Variants in BICRA observed in about 807,000 individuals in gnomAD.
BICRA encodes the protein BRD4 interacting chromatin remodeling complex associated protein.
BICRA carries 31 observed loss-of-function variants against 96.9 expected under a neutral mutation model. The ratio of observed to expected loss-of-function variants is 0.32; its 90% confidence interval spans 0.24 to 0.43. The LOEUF (loss-of-function observed/expected upper bound fraction) is 0.43. Among genes scored for constraint, BICRA ranks in the 20% least tolerant of loss-of-function variants. The probability of loss-of-function intolerance (pLI) is 1.00; values close to 1 mark genes in which losing one functional copy is unlikely to be tolerated. For synonymous variants in BICRA, 1,350 were observed against 1,071.8 expected, an observed-to-expected ratio of 1.26 and a Z score of -5.07; for missense variants, 2,283 against 2,190.3, an observed-to-expected ratio of 1.04 and a Z score of -0.84.
chr19:47,685,741 C>CTGTGTGTGTGTGTGTGTGTGTGTG (rs3074109), intron 7 of BICRA, among the ~76,000 whole-genome samples: 1 of 115,496 alleles, frequency 8.7e-6, no homozygotes, highest in Non-Finnish European at 1.8e-5. Context: ...TTGGCAGCCT[C>CTGTGTGTGTGTGTGTGTGTGTGTG]TGTGTGTGTG....
chr19:47,635,949 C>G (rs749500592), intron 1 of BICRA, among the ~76,000 whole-genome samples: 64 of 152,176 alleles, frequency 4.2e-4, no homozygotes, highest in Admixed American at 7.9e-4. Context: ...ACTTTTTGAT[C>G]ACCAGCATGA....
intron 7 of BICRA, 32 bp from the exon 8 acceptor site, chr19:47,694,083 G>A (rs1568576158): frequency 9.1e-6 from 10 of 1,095,330 alleles, no homozygotes; most frequent in South Asian, 6.6e-5. Flanking sequence ...TCTGACCCCC[G>A]CCCCTCCCCT....
At chr19:47,655,166 C>CT (rs1972595926) in intron 1 of BICRA, among the ~76,000 whole-genome samples, 1 of 152,094 alleles carries the variant, frequency 6.6e-6, no homozygotes, top group Non-Finnish European at 1.5e-5. Flanking sequence ...AACAAGTGTC[C>CT]TTTTTGTGGT....
In BICRA at chr19:47,698,366, G is replaced by C. The variant is rs1262328073; in HGVS notation, c.3249-268G>C. On this transcript the variant is annotated intron_variant, in intron 11 of 14. Transcript: ENST00000594866. The surrounding 1 kb of genome is among the most constrained non-coding windows in gnomAD (Gnocchi z 4.8). ...CCGCTCTGCTCTTCCTCCCTTACGT[G>C]CTTTGGAGAGGAGTGACTTCACTTC... Among the ~76,000 whole-genome samples the C allele has an allele frequency of 1.3e-5, 2 of 152,158 alleles. No homozygotes were observed. The highest frequency in any genetic ancestry group is 2.9e-5 in the Non-Finnish European group (2 of 68,020).
chr19:47,682,152 G>A lies in BICRA; in HGVS notation c.2283G>A (p.Gln761=). Residue 761 remains glutamine, a splice_region_variant and synonymous_variant, in exon 7 of 15, where the codon CAG becomes CAA. Coordinates refer to ENST00000594866, the MANE Select transcript of BICRA (RefSeq NM_001394372.1). ...DSQASPAPAP[Q]IPAAAPLKGP... ...AGGCTTCCCCGGCTCCGGCCCCCCA[G>A]GTAGAGGGACCCCAGCAGCCTGTGT... 1 of 1,387,894 alleles carries A rather than the reference G, an allele frequency of 7.2e-7. No homozygotes were observed. Among genetic ancestry groups the A allele is most frequent in the Non-Finnish European group, 9.8e-7 (1 of 1,022,778 alleles). The allele number at this position is 1,387,894 out of a possible 1,614,324, so 86.0% of individuals were successfully genotyped here. A position where few individuals can be genotyped will look rare whatever the true frequency, so the allele number is the denominator to read the frequency against.
At chr19:47,619,166 C>G (rs1972025660) in intron 1 of BICRA, among the ~76,000 whole-genome samples, 1 of 149,952 alleles carries the variant, frequency 6.7e-6, no homozygotes, top group South Asian at 2.1e-4. Flanking sequence ...TATACTTACT[C>G]TTTCGTGGAC....
Position 47,702,333 on chromosome 19 carries a change from C to T in BICRA, c.4601C>T (p.Ser1534Phe), listed in dbSNP as rs1478376992. Residue 1534 changes from serine to phenylalanine, a missense_variant, in exon 15 of 15, where the codon TCC becomes TTC. Physicochemically the swap from Ser to Phe is radical, Grantham distance 155 (BLOSUM62 -2). Coordinates refer to ENST00000594866, the MANE Select transcript of BICRA (RefSeq NM_001394372.1). ...PHAASAGTPA[S>F]PPPLHRPEAY... is the part of the protein sequence containing the mutation. ...GCTGCCTCGGCCGGCACCCCCGCAT[C>T]CCCGCCGCCCCTGCACAGGCCCGAG... is the stretch of plus-strand genomic sequence containing the variant. 24 of 1,546,248 alleles carry T rather than the reference C, an allele frequency of 1.6e-5. No individual in the cohort carries two copies. The highest frequency in any genetic ancestry group is 2.0e-5 in the Non-Finnish European group (23 of 1,155,170).
chr19:47,629,340 C>T (rs11083886), intron 1 of BICRA, among the ~76,000 whole-genome samples: 49,927 of 152,082 alleles, frequency 0.33, 8,523 homozygotes, highest in East Asian at 0.53. Flanking sequence ...CAACTCCCCC[C>T]ATCCCCAGTC....
chr19:47,696,247 C>T (rs1426595490), intron 10 of BICRA, among the ~76,000 whole-genome samples: 1 of 152,126 alleles, frequency 6.6e-6, no homozygotes, highest in African/African-American at 2.4e-5. Context: ...GCCTGTCACC[C>T]TCTCCGTCCA....
intron 1 of BICRA, among the ~76,000 whole-genome samples, chr19:47,667,236 C>T (rs1234534204): frequency 1.3e-5 from 2 of 152,062 alleles, no homozygotes; most frequent in Admixed American, 1.3e-4. Flanking sequence ...ACAATGGTCT[C>T]GATCTCCTGA....
intron 1 of BICRA, among the ~76,000 whole-genome samples, chr19:47,647,839 G>A (rs914101136): frequency 6.6e-6 from 1 of 151,826 alleles, no homozygotes; most frequent in Non-Finnish European, 1.5e-5. Flanking sequence ...TCCTGTCCAC[G>A]ATGGGGGGTG....
chr19:47,637,194 A>G (rs1044561019), intron 1 of BICRA, among the ~76,000 whole-genome samples: 2 of 151,984 alleles, frequency 1.3e-5, no homozygotes, highest in Non-Finnish European at 2.9e-5. Flanking sequence ...ATCTCGGCTC[A>G]CTGAAAGCTT....
At position 47,702,720 on chromosome 19, in the gene BICRA, C is replaced by T. The variant is rs1973487757; in HGVS notation, c.*305C>T. 2.4e-6 allele frequency: 1 copy of T among 419,746 alleles called. No homozygotes were observed. Among genetic ancestry groups the T allele is most frequent in the Non-Finnish European group, 4.2e-6 (1 of 237,332 alleles). The allele number at this position is 419,746 out of a possible 1,614,324, so 26.0% of individuals were successfully genotyped here. On this transcript the variant is annotated 3_prime_UTR_variant, in exon 15 of 15. Coordinates refer to ENST00000594866, the MANE Select transcript of BICRA (RefSeq NM_001394372.1). Reference sequence around the variant, plus strand: ...ACACTCTGCCCCTCTGTCCGGGGGACACGCGCATGTGTTTGCCAGGGATGG... The same window carrying T: ...ACACTCTGCCCCTCTGTCCGGGGGATACGCGCATGTGTTTGCCAGGGATGG...
chr19:47,637,103 G>T (rs1427026226), intron 1 of BICRA, among the ~76,000 whole-genome samples: 1 of 151,892 alleles, frequency 6.6e-6, no homozygotes, highest in Admixed American at 6.6e-5. Context: ...ATTTTACATT[G>T]ATTTTATTTT....
rs545431235 is a variant in BICRA at position 47,633,846 on chromosome 19, C to T, written c.-108+24678C>T. Among the ~76,000 whole-genome samples the T allele has an allele frequency of 3.9e-5, 6 of 152,340 alleles. No homozygotes were observed. The South Asian group carries it at 1.0e-3, about 26-fold the overall frequency. ...ATTTATAACCCGTCTTTATTGAGCT[C>T]CATCTGAATATTCATATGTTTAGCT... On this transcript the variant is annotated intron_variant, in intron 1 of 14. Transcript: ENST00000594866.
At chr19:47,640,330 G>A (rs1355715893) in intron 1 of BICRA, among the ~76,000 whole-genome samples, 1 of 152,082 alleles carries the variant, frequency 6.6e-6, no homozygotes, top group African/African-American at 2.4e-5. Flanking sequence ...ACAGGAGTTC[G>A]AGACCGGCCT....
At chr19:47,666,284 TTTTC>T (rs1370120584) in intron 1 of BICRA, among the ~76,000 whole-genome samples, 1 of 115,740 alleles carries the variant, frequency 8.6e-6, no homozygotes, top group Non-Finnish European at 1.7e-5. Flanking sequence ...CTTTTTTTCT[TTTTC>T]TTTTTCTTCT....
At position 47,654,416 on chromosome 19, in the gene BICRA, T is replaced by TA. The variant is rs956013810; in HGVS notation, c.-107-16015dup. 4.5e-3 allele frequency among the ~76,000 whole-genome samples: 666 copies of TA among 147,252 alleles called. 4 individuals carry two copies. Among genetic ancestry groups the TA allele is most frequent in the African/African-American group, 0.015 (599 of 40,328 alleles). On this transcript the variant is annotated intron_variant, in intron 1 of 14. Coordinates refer to ENST00000594866, the MANE Select transcript of BICRA (RefSeq NM_001394372.1). ...ACTGCAATAGTCCTGCCCAAGAAAT[T>TA]AAAAAAAAAAAATCAACCTGTTTAC... is the stretch of plus-strand genomic sequence containing the variant.
intron 1 of BICRA, chr19:47,662,509 A>G (rs1319858712): frequency 1.3e-5 from 2 of 152,252 alleles, no homozygotes; most frequent in Non-Finnish European, 2.9e-5. Context: ...CGTCTCTACT[A>G]AAAATACAAA....
Sources: allele counts gnomAD v4.1 joint callset (sites outside exome capture counted in the v4.1 genomes callset), GRCh38; gene constraint gnomAD v4.1.1; non-coding constraint Gnocchi (gnomAD v3.1); transcripts MANE v1.5; gene names NCBI Gene and HGNC (gene_info 2026-07-23, HGNC 2026-07-21).